Variants in MMEL1 observed in about 807,000 individuals in gnomAD.
The protein encoded by MMEL1 is membrane metallo-endopeptidase-like 1.
A neutral mutation model predicts 117.1 loss-of-function variants in MMEL1; 98 were observed. The observed-to-expected ratio is 0.84, with a 90% CI of 0.71 to 0.99. The LOEUF is 0.99. Ranked by LOEUF, MMEL1 falls within the 50% of genes least tolerant of loss-of-function variation. The pLI is 0.00. For missense variants in MMEL1, 1,014 were observed against 1,049.1 expected, an observed-to-expected ratio of 0.97 and a Z score of 0.46; for synonymous variants, 390 against 415.1, an observed-to-expected ratio of 0.94 and a Z score of 0.74.
In MMEL1 at chr1:2,598,074, TG is replaced by T. The variant is rs1382139960; in HGVS notation, c.1272+132del. ...TGTCATGGTCCACTCCCCACTGGGG[TG>T]GGCGCCTCGCCCTGCCTCGTCCATG... On this transcript the variant is annotated intron_variant, in intron 13 of 23. Transcript: ENST00000378412. 61 of 781,698 alleles carry T rather than the reference TG, an allele frequency of 7.8e-5. No homozygotes were observed. The South Asian group carries it at 9.1e-4, about 12-fold the overall frequency. The allele number at this position is 781,698 out of a possible 1,614,324, so 48.4% of individuals were successfully genotyped here. A position where few individuals can be genotyped will look rare whatever the true frequency, so the allele number is the denominator to read the frequency against.
chr1:2,612,011 T>G lies in MMEL1; in HGVS notation c.232+116A>C, dbSNP rs1366735982. 2 of 899,294 alleles carry G rather than the reference T, an allele frequency of 2.2e-6. No individual in the cohort carries two copies. Among genetic ancestry groups the G allele is most frequent in the Non-Finnish European group, 3.5e-6 (2 of 567,296 alleles). The allele number at this position is 899,294 out of a possible 1,614,324, so 55.7% of individuals were successfully genotyped here. ...CACTGTCCTCTCCCCATGGCCCTCC[T>G]CCGGCACATGAGGGTTGGGCAGAAC... On this transcript the variant is annotated intron_variant, in intron 3 of 23. Transcript: ENST00000378412. This position sits in a 1 kb window ranked among gnomAD's most constrained non-coding sequence, Gnocchi z 5.4.
At position 2,632,927 on chromosome 1, in the gene MMEL1, G is replaced by T. The variant is rs1449975226; in HGVS notation, c.-99C>A. On this transcript the variant is annotated 5_prime_UTR_variant, in exon 1 of 24. Transcript: ENST00000378412. ...GGCCCCTGGAGACTGGGTCCCAGTG[G>T]GTTGGAGTTGGGGTGAGCTGGGCCA... is the stretch of plus-strand genomic sequence containing the variant. 18 of 985,618 alleles carry T rather than the reference G, an allele frequency of 1.8e-5. No individual in the cohort carries two copies. Among genetic ancestry groups the T allele is most frequent in the Non-Finnish European group, 1.9e-5 (16 of 830,130 alleles). 61.1% of individuals were successfully genotyped at this position (985,618 alleles called of 1,614,324 possible).
chr1:2,596,909 G>A (rs1644852011), intron 13 of MMEL1, among the ~76,000 whole-genome samples: 1 of 152,098 alleles, frequency 6.6e-6, no homozygotes. Flanking sequence ...TCCGCAGACT[G>A]AGAGCTGGGC....
intron 8 of MMEL1, 26 bp downstream of exon 8, chr1:2,606,222 C>T (rs749187021): frequency 1.3e-6 from 2 of 1,589,080 alleles, no homozygotes; most frequent in East Asian, 2.2e-5. Flanking sequence ...ACCCTGCCTA[C>T]CCCTGCCCAC....
chr1:2,596,814 C>T (rs961950413), intron 13 of MMEL1, 125 bp from the exon 14 acceptor site: 9 of 1,076,316 alleles, frequency 8.4e-6, no homozygotes, highest in South Asian at 1.5e-5. Flanking sequence ...CCGGGGCTAG[C>T]GGGGGCACGG....
intron 4 of MMEL1, among the ~76,000 whole-genome samples, chr1:2,611,051 G>A (rs1360961834): frequency 6.6e-6 from 1 of 152,258 alleles, no homozygotes; most frequent in African/African-American, 2.4e-5. Context: ...GGATGCTGTT[G>A]CTGCAGGGCC....
rs542747128 is a variant in MMEL1, at chr1:2,605,062, T to C, written c.816+496A>G. On this transcript the variant is annotated intron_variant, in intron 9 of 23. Transcript: ENST00000378412. ...ACCTCTGCCCTGGTGCTGGATGCCT[T>C]GCCCTCCTCACCTGCTCCCTGTCCT... Among the ~76,000 whole-genome samples, 312 of 152,272 alleles carry C rather than the reference T, an allele frequency of 2.0e-3. 2 individuals are homozygous for C. Among genetic ancestry groups the C allele is most frequent in the Non-Finnish European group, 3.4e-3 (228 of 67,992 alleles).
At chr1:2,624,427 C>T (rs974306808) in intron 2 of MMEL1, among the ~76,000 whole-genome samples, 8 of 152,208 alleles carry the variant, frequency 5.3e-5, no homozygotes, top group African/African-American at 1.4e-4. Context: ...CTCACACTCA[C>T]GCACTGATGG....
chr1:2,631,996 C>T (rs1404898950), intron 1 of MMEL1, among the ~76,000 whole-genome samples: 2 of 152,188 alleles, frequency 1.3e-5, no homozygotes, highest in Admixed American at 6.5e-5. Context: ...GAGGAAGAGC[C>T]GGGCCTTGCC....
rs979647055 is a variant in MMEL1, at chr1:2,611,353, A to G, written c.233-13T>C. ...GCCTCTGGGATCCCTGCGGGCAAGG[A>G]GCAGCCTGAGCACCGGGAGCCACGG... On this transcript the variant is annotated splice_polypyrimidine_tract_variant and intron_variant, in intron 3 of 23. Coordinates refer to ENST00000378412, the MANE Select transcript of MMEL1 (RefSeq NM_033467.4). The G allele has an allele frequency of 1.3e-6, 2 of 1,508,706 alleles. No homozygotes were observed. The highest frequency in any genetic ancestry group is 1.8e-6 in the Non-Finnish European group (2 of 1,128,336). 93.5% of individuals were successfully genotyped at this position (1,508,706 alleles called of 1,614,324 possible).
intron 1 of MMEL1, chr1:2,632,619 TG>T: frequency 5.4e-6 from 1 of 184,708 alleles, no homozygotes. Flanking sequence ...TGCGGCTCCC[TG>T]GGGACACTCG....
chr1:2,629,706 G>T, intron 1 of MMEL1, 185 bp from the exon 2 acceptor site: 1 of 528,432 alleles, frequency 1.9e-6, no homozygotes, highest in Non-Finnish European at 3.2e-6. Flanking sequence ...ACTACCCCTG[G>T]GCCGGAATCT....
rs908707136 is a variant in MMEL1 at position 2,624,381 on chromosome 1, C to T, written c.154+4950G>A. 2.0e-5 allele frequency among the ~76,000 whole-genome samples: 3 copies of T among 152,292 alleles called. No individual in the cohort carries two copies. The East Asian group carries it at 5.8e-4, about 29-fold the overall frequency. On this transcript the variant is annotated intron_variant, in intron 2 of 23. Transcript: ENST00000378412. ...GTGGGTAACAACAGCAGTAGAACCCCCAGCCAGCTAACTCCTAACCAGAGG... is the reference window on the plus strand; with the variant it reads ...GTGGGTAACAACAGCAGTAGAACCCTCAGCCAGCTAACTCCTAACCAGAGG...
Position 2,606,279 on chromosome 1 carries a change from T to C in MMEL1, c.719A>G (p.Asp240Gly). ...GATGTGCCGGCTGGAGTTCTGGTCGTCGTTCCAGATGAAGAGGTCGATGAG... is the reference window on the plus strand; with the variant it reads ...GATGTGCCGGCTGGAGTTCTGGTCGCCGTTCCAGATGAAGAGGTCGATGAG... ...RVLIDLFIWN[D>G]DQNSSRHIIY... Residue 240 changes from aspartate to glycine, a missense_variant, in exon 8 of 24, where the codon GAC (aspartate) becomes GGC (glycine). Transcript: ENST00000378412. The C allele has an allele frequency of 6.2e-7, 1 of 1,613,244 alleles. No homozygotes were observed.
chr1:2,632,360 A>G (rs1359960225), intron 1 of MMEL1, among the ~76,000 whole-genome samples: 1 of 152,202 alleles, frequency 6.6e-6, no homozygotes, highest in Non-Finnish European at 1.5e-5. Flanking sequence ...CTCGGTCATT[A>G]TCTGTTGGGT....
rs148935845 is a variant in MMEL1 at position 2,594,569 on chromosome 1, A to T, written c.1689-126T>A. On this transcript the variant is annotated intron_variant, in intron 17 of 23. Transcript: ENST00000378412. The stretch of plus-strand genomic sequence containing the variant: ...AGCAAGGGCCCAGGCCTATCCCAAG[A>T]TCTGGTTCCTTCCTGGGGTCCCTGA... 1.9e-3 allele frequency: 2,346 copies of T among 1,221,800 alleles called. 16 individuals carry two copies. The highest frequency in any genetic ancestry group is 0.012 in the Admixed American group (582 of 48,426). The allele number at this position is 1,221,800 out of a possible 1,614,324, so 75.7% of individuals were successfully genotyped here.
Position 2,632,935 on chromosome 1 carries a change from T to A in MMEL1, c.-107A>T, listed in dbSNP as rs532444987. On this transcript the variant is annotated 5_prime_UTR_variant, in exon 1 of 24. Coordinates refer to ENST00000378412, the MANE Select transcript of MMEL1 (RefSeq NM_033467.4). ...GAGACTGGGTCCCAGTGGGTTGGAG[T>A]TGGGGTGAGCTGGGCCAAGTGGGTG... 1 of 985,186 alleles carries A rather than the reference T, an allele frequency of 1.0e-6. No individual in the cohort carries two copies. Among genetic ancestry groups the A allele is most frequent in the South Asian group, 4.7e-5 (1 of 21,256 alleles). 61.0% of individuals were successfully genotyped at this position (985,186 alleles called of 1,614,324 possible).
intron 2 of MMEL1, among the ~76,000 whole-genome samples, chr1:2,623,039 C>T (rs983891530): frequency 3.3e-5 from 5 of 151,040 alleles, no homozygotes; most frequent in East Asian, 2.0e-4. Context: ...TGTGATGGCA[C>T]GCACCTGTAG....
At position 2,629,324 on chromosome 1, in the gene MMEL1, C is replaced by A; in HGVS notation, c.154+7G>T. 1 of 1,531,074 alleles carries A rather than the reference C, an allele frequency of 6.5e-7. No individual in the cohort carries two copies. The highest frequency in any genetic ancestry group is 8.8e-7 in the Non-Finnish European group (1 of 1,141,398). 94.8% of individuals were successfully genotyped at this position (1,531,074 alleles called of 1,614,324 possible). A position where few individuals can be genotyped will look rare whatever the true frequency, so the allele number is the denominator to read the frequency against. On this transcript the variant is annotated splice_region_variant and intron_variant, in intron 2 of 23. Coordinates refer to ENST00000378412, the MANE Select transcript of MMEL1 (RefSeq NM_033467.4). Reference sequence around the variant, plus strand: ...GGGACAGGCGGGGGCGGGGCACCCGCACTCACCTCTGCGGTCGGCGTAGAG... The same window carrying A: ...GGGACAGGCGGGGGCGGGGCACCCGAACTCACCTCTGCGGTCGGCGTAGAG...
Sources: gnomAD v4.1 joint callset for allele counts (sites outside exome capture counted in the v4.1 genomes callset) on GRCh38, gnomAD v4.1.1 for gene constraint, Gnocchi (gnomAD v3.1) non-coding constraint, MANE v1.5 for transcripts, NCBI Gene and HGNC (gene_info 2026-07-23, HGNC 2026-07-21) for gene names.